The following DENND4A variants were observed in gnomAD, a reference collection of about 807,000 sequenced individuals.
DENND4A encodes DENN domain containing 4A, also known as C-myc promoter-binding protein.
In DENND4A, 70 loss-of-function variants were observed where a neutral mutation model predicts 199.3. The observed-to-expected ratio is 0.35, with a 90% CI of 0.29 to 0.43. The LOEUF (loss-of-function observed/expected upper bound fraction) is 0.43, where lower values mean the gene tolerates loss of function less well. DENND4A is among the 20% of genes least tolerant of loss of function. The probability of loss-of-function intolerance (pLI) is 1.00; values close to 1 mark genes in which losing one functional copy is unlikely to be tolerated. For synonymous variants in DENND4A, 686 were observed against 766.9 expected (o/e 0.89, Z 1.74); for missense variants, 1,723 against 2,255.8 (o/e 0.76, Z 4.78).
rs2075779809 is a variant in DENND4A, at chr15:65,659,324, T to TTG, written c.*2526_*2527insCA. The stretch of plus-strand genomic sequence containing the variant: ...TTTTAAATGATTGATATTTTCTGGT[T>TTG]TTTTTTTTTTTTTTTTTTTTTTTTT... On this transcript the variant is annotated 3_prime_UTR_variant, in exon 33 of 33. Coordinates refer to ENST00000443035, the MANE Select transcript of DENND4A (RefSeq NM_001320835.1). 1.7e-5 allele frequency: 1 copy of TTG among 59,610 alleles called. No individual in the cohort carries two copies. The highest frequency in any genetic ancestry group is 3.1e-5 in the Non-Finnish European group (1 of 32,664). 3.7% of individuals were successfully genotyped at this position (59,610 alleles called of 1,614,324 possible).
At chr15:65,716,643 C>T (rs1249166600) in intron 13 of DENND4A, among the ~76,000 whole-genome samples, 2 of 152,012 alleles carry the variant, frequency 1.3e-5, no homozygotes, top group Non-Finnish European at 2.9e-5. Context: ...TCCAGTCTAT[C>T]ATTGTTGGAC....
chr15:65,756,735 C>A (rs560236802), intron 2 of DENND4A, among the ~76,000 whole-genome samples: 1 of 152,266 alleles, frequency 6.6e-6, no homozygotes, highest in East Asian at 1.9e-4. Context: ...AAAAAGAGAT[C>A]TTTTTAAATG....
intron 4 of DENND4A, among the ~76,000 whole-genome samples, chr15:65,746,369 C>CTTTTTATTTTTTTTTTTT (rs2076392843): frequency 2.0e-5 from 1 of 51,268 alleles, no homozygotes; most frequent in Non-Finnish European, 3.6e-5. Flanking sequence ...ACTTTTTTCT[C>CTTTTTATTTTTTTTTTTT]TTTTTTTTTT....
At chr15:65,778,279 ATTTTGACCAAAAAGGGGGTGAGG>A (rs2077335166) in intron 1 of DENND4A, among the ~76,000 whole-genome samples, 1 of 152,086 alleles carries the variant, frequency 6.6e-6, no homozygotes, top group African/African-American at 2.4e-5. Flanking sequence ...AGTTACTACA[ATTTTGACCAAAAAGGGGGTGAGG>A]TTTTTCTTCT....
chr15:65,678,817 G>A (rs180677665), intron 23 of DENND4A, among the ~76,000 whole-genome samples: 22 of 152,120 alleles, frequency 1.4e-4, no homozygotes, highest in Admixed American at 4.6e-4. Flanking sequence ...AGCCTTCCAA[G>A]TAGCTGGGAC....
chr15:65,769,782 TCCAG>T lies in DENND4A; in HGVS notation c.-101-8348_-101-8345del, dbSNP rs201575614. Among the ~76,000 whole-genome samples, 1,237 of 152,294 alleles carry T rather than the reference TCCAG, an allele frequency of 8.1e-3. 9 individuals carry two copies. The highest frequency in any genetic ancestry group is 0.028 in the African/African-American group (1,185 of 41,582). On this transcript the variant is annotated intron_variant, in intron 1 of 32. Coordinates refer to ENST00000443035, the MANE Select transcript of DENND4A (RefSeq NM_001320835.1). ...AAATTTAAAGAACAAAGCCACCCTA[TCCAG>T]CATTCTTTCACTCACAAAGAAGTAC... is the stretch of plus-strand genomic sequence containing the variant.
chr15:65,728,556 T>G (rs2075876665), intron 11 of DENND4A, among the ~76,000 whole-genome samples: 1 of 151,396 alleles, frequency 6.6e-6, no homozygotes, highest in Non-Finnish European at 1.5e-5. Context: ...CGATCTCAGC[T>G]CACCACAACC....
intron 14 of DENND4A, among the ~76,000 whole-genome samples, chr15:65,706,579 C>T (rs1428743707): frequency 6.6e-6 from 1 of 152,030 alleles, no homozygotes; most frequent in Non-Finnish European, 1.5e-5. Flanking sequence ...TCACTGCAAC[C>T]TCTGCCTCCC....
At chr15:65,671,424 C>A (rs1328149944) in intron 25 of DENND4A, among the ~76,000 whole-genome samples, 1 of 152,206 alleles carries the variant, frequency 6.6e-6, no homozygotes, top group Non-Finnish European at 1.5e-5. Context: ...GAGTCTTGCT[C>A]TGTCGCCCAG....
chr15:65,685,885 A>T (rs544737347), intron 23 of DENND4A, among the ~76,000 whole-genome samples: 1 of 152,098 alleles, frequency 6.6e-6, no homozygotes, highest in East Asian at 1.9e-4. Context: ...TCTCTCATCT[A>T]TTCATCTCTG....
Position 65,787,638 on chromosome 15 carries a change from T to C in DENND4A, c.-102+4372A>G, listed in dbSNP as rs560531614. The stretch of plus-strand genomic sequence containing the variant: ...GTTTCAAAAATTTATTTGTAAATTT[T>C]TTGTCTAGAACTCACAGCATACCTT... On this transcript the variant is annotated intron_variant, in intron 1 of 32. Transcript: ENST00000443035. Among the ~76,000 whole-genome samples, 8 of 152,328 alleles carry C rather than the reference T, an allele frequency of 5.3e-5. No homozygotes were observed. The South Asian group carries it at 1.0e-3, about 20-fold the overall frequency.
At chr15:65,759,999 C>T (rs1020749720) in intron 2 of DENND4A, among the ~76,000 whole-genome samples, 4 of 152,072 alleles carry the variant, frequency 2.6e-5, no homozygotes, top group Non-Finnish European at 4.4e-5. Flanking sequence ...AGTATTTCTT[C>T]AGGATACATT....
chr15:65,728,426 CTT>C (rs1020393907), intron 11 of DENND4A, among the ~76,000 whole-genome samples: 2 of 151,608 alleles, frequency 1.3e-5, no homozygotes, highest in African/African-American at 4.8e-5. Context: ...GGGAAATAAA[CTT>C]TTTCTATTTC....
chr15:65,689,983 CT>C (rs983954073), intron 23 of DENND4A, among the ~76,000 whole-genome samples: 27 of 152,186 alleles, frequency 1.8e-4, no homozygotes, highest in Admixed American at 1.6e-3. Flanking sequence ...GATACTTTCT[CT>C]ATTTCATCTA....
intron 1 of DENND4A, chr15:65,771,782 A>G (rs963404544): frequency 1.1e-5 from 18 of 1,613,690 alleles, no homozygotes; most frequent in Non-Finnish European, 1.4e-5. Context: ...TGGTGGTTAC[A>G]TGCTTGTTCT....
At chr15:65,700,779 G>A (rs1157448803) in intron 19 of DENND4A, 104 bp from the exon 20 acceptor site, 1 of 1,227,944 alleles carries the variant, frequency 8.1e-7, no homozygotes, top group African/African-American at 1.6e-5. Flanking sequence ...AACATGAAAA[G>A]TGCCACATAC....
At chr15:65,708,659 G>GCA (rs75796096) in intron 14 of DENND4A, among the ~76,000 whole-genome samples, 10,684 of 152,124 alleles carry the variant, frequency 0.07, 382 homozygotes, top group African/African-American at 0.099. Flanking sequence ...AACACCCACA[G>GCA]CAGGATAAAA....
rs1381065896 is a variant in DENND4A at position 65,731,623 on chromosome 15, G to A, written c.1166+19C>T. 5.3e-6 allele frequency: 8 copies of A among 1,510,712 alleles called. No individual in the cohort carries two copies. The East Asian group carries it at 2.0e-4, about 37-fold the overall frequency. 93.6% of individuals were successfully genotyped at this position (1,510,712 alleles called of 1,614,324 possible). A position where few individuals can be genotyped will look rare whatever the true frequency, so the allele number is the denominator to read the frequency against. On this transcript the variant is annotated intron_variant, in intron 9 of 32. Transcript: ENST00000443035. ...TGCTAGATTGAGAGAAAAATAAATA[G>A]AAATGAGGTTTTACTTGCCTTAGTG...
chr15:65,664,459 A>G (rs2141833076), intron 31 of DENND4A, 65 bp from the exon 32 acceptor site: 7 of 1,517,332 alleles, frequency 4.6e-6, no homozygotes, highest in African/African-American at 1.4e-5. Context: ...CCTATAAAAA[A>G]TTTAATGCTA....
Sources: allele counts gnomAD v4.1 joint callset (sites outside exome capture counted in the v4.1 genomes callset), GRCh38; gene constraint gnomAD v4.1.1; transcripts MANE v1.5; gene names NCBI Gene and HGNC (gene_info 2026-07-23, HGNC 2026-07-21).